SPDYE5: variants seen among roughly 807,000 people sequenced by gnomAD.
SPDYE5 encodes the protein speedy protein E5.
In SPDYE5, 15 loss-of-function variants were observed where a neutral mutation model predicts 48.5. The observed-to-expected ratio is 0.31, with a 90% confidence interval of 0.21 to 0.48. The LOEUF (loss-of-function observed/expected upper bound fraction) is 0.48. Ranked by LOEUF, SPDYE5 falls within the 20% of genes least tolerant of loss-of-function variation. The pLI, the probability that SPDYE5 is intolerant of heterozygous loss-of-function variation, is 0.99. For missense variants in SPDYE5, 331 were observed against 549.1 expected, an observed-to-expected ratio of 0.60 and a Z score of 3.97; for synonymous variants, 116 against 200.7, an observed-to-expected ratio of 0.58 and a Z score of 3.57.
rs1793242501 is a variant in SPDYE5, at chr7:75,504,087, C to T, written c.*1300C>T. 1.3e-5 allele frequency: 2 copies of T among 151,982 alleles called. No homozygotes were observed. Among genetic ancestry groups the T allele is most frequent in the South Asian group, 4.1e-4 (2 of 4,822 alleles). 9.4% of individuals were successfully genotyped at this position (151,982 alleles called of 1,614,324 possible). Reference sequence around the variant, plus strand: ...TTACATTTATAGCTATGTAGTAGTTCCCCTAAATTCTTGTAAAAATAAATT... The same window carrying T: ...TTACATTTATAGCTATGTAGTAGTTTCCCTAAATTCTTGTAAAAATAAATT... On this transcript the variant is annotated 3_prime_UTR_variant, in exon 9 of 9. Transcript: ENST00000625065.
chr7:75,496,404 CAAAAAAAAAA>C (rs1175143877), intron 3 of SPDYE5, among the ~76,000 whole-genome samples: 1 of 27,446 alleles, frequency 3.6e-5, no homozygotes, highest in Non-Finnish European at 6.6e-5. Flanking sequence ...ACAACAACAA[CAAAAAAAAAA>C]AAAAAAAAAA....
intron 6 of SPDYE5, among the ~76,000 whole-genome samples, chr7:75,500,778 A>G (rs1272356381): frequency 1.3e-5 from 2 of 151,622 alleles, no homozygotes; most frequent in East Asian, 2.0e-4. Context: ...GCCCAATCTC[A>G]ACTCACTGCA....
At position 75,501,462 on chromosome 7, in the gene SPDYE5, A is replaced by G. The variant is rs782072357; in HGVS notation, c.856A>G (p.Lys286Glu). The G allele has an allele frequency of 6.2e-7, 1 of 1,609,678 alleles. No individual in the cohort carries two copies. The highest frequency in any genetic ancestry group is 1.1e-5 in the South Asian group (1 of 90,756). ...CCGCTCTCGCATACCCTTGCTCCGT[A>G]AGCGTTGGTTCCAGTTAGGCCGTTC... ...KNRSRIPLLR[K>E]RWFQLGRSMN... The change falls in exon 7 of 9, where the codon AAG (lysine) becomes GAG (glutamate). Residue 286 changes from lysine (K) to glutamate (E), a missense_variant. Physicochemically the swap from Lys to Glu is moderately conservative, Grantham distance 56. Around this residue, in one of 8 missense-constraint regions of SPDYE5, gnomAD observed 70 missense variants for 87.6 expected, o/e 0.80. Transcript: ENST00000625065.
In SPDYE5 at chr7:75,495,489, C is replaced by T. The variant is rs1450170615; in HGVS notation, c.379+115C>T. ...ACGCCCCCCGTGGGTGAGCTCTCCA[C>T]GCAGGAGGACTCAGAAGTGATCACT... On this transcript the variant is annotated intron_variant, in intron 3 of 8. Coordinates refer to ENST00000625065, the MANE Select transcript of SPDYE5 (RefSeq NM_001306141.4). 9.9e-5 allele frequency: 153 copies of T among 1,541,420 alleles called. 1 individual carries two copies. The Middle Eastern group carries it at 3.4e-3, about 35-fold the overall frequency.
At position 75,503,085 on chromosome 7, in the gene SPDYE5, G is replaced by A; in HGVS notation, c.*298G>A. ...AGTGTTTCCAGTTCCACCCTTTCCTGCAGCACCACCACCCTTTCTATATTG... is the reference window on the plus strand; with the variant it reads ...AGTGTTTCCAGTTCCACCCTTTCCTACAGCACCACCACCCTTTCTATATTG... On this transcript the variant is annotated 3_prime_UTR_variant, in exon 9 of 9. Coordinates refer to ENST00000625065, the MANE Select transcript of SPDYE5 (RefSeq NM_001306141.4). 1.9e-6 allele frequency: 1 copy of A among 526,436 alleles called. No individual in the cohort carries two copies. Among genetic ancestry groups the A allele is most frequent in the Non-Finnish European group, 3.6e-6 (1 of 280,030 alleles). 32.6% of individuals were successfully genotyped at this position (526,436 alleles called of 1,614,324 possible).
rs782585253 is a variant in SPDYE5, at chr7:75,501,361, G to C, written c.756-1G>C. On this transcript the variant is annotated splice_acceptor_variant, in intron 6 of 8. Transcript: ENST00000625065. LOFTEE classifies it high-confidence loss of function. Reference sequence around the variant, plus strand: ...AGCAGCAACCTGATTTCTGTCCTCAGCTACCTGGCCAATGACATGGAGGAG... The same window carrying C: ...AGCAGCAACCTGATTTCTGTCCTCACCTACCTGGCCAATGACATGGAGGAG... The C allele has an allele frequency of 5.0e-6, 8 of 1,612,126 alleles. No homozygotes were observed. Among genetic ancestry groups the C allele is most frequent in the East Asian group, 4.5e-5 (2 of 44,884 alleles).
In SPDYE5 at chr7:75,494,059, G is replaced by A. The variant is rs1337052888; in HGVS notation, c.12G>A (p.Thr4=). 3.8e-5 allele frequency: 58 copies of A among 1,532,434 alleles called. No homozygotes were observed. Among genetic ancestry groups the A allele is most frequent in the Admixed American group, 3.8e-4 (19 of 50,604 alleles). The allele number at this position is 1,532,434 out of a possible 1,614,324, so 94.9% of individuals were successfully genotyped here. ...ATCAGAAGAAGGCCATGGACAGAAC[G>A]GAGACTAGGTTCCGTAAGAGGGGAC... is the stretch of plus-strand genomic sequence containing the variant. MDR[T]ETRFRKRGQI... Residue 4 remains threonine (T), a synonymous_variant, in exon 2 of 9, where the codon ACG becomes ACA. Transcript: ENST00000625065.
chr7:75,496,401 CAACAAAAAA>C (rs1304445032), intron 3 of SPDYE5, among the ~76,000 whole-genome samples: 1 of 44,548 alleles, frequency 2.2e-5, no homozygotes, highest in Non-Finnish European at 4.3e-5. Flanking sequence ...ACAACAACAA[CAACAAAAAA>C]AAAAAAAAAA....
chr7:75,493,733 G>A lies in SPDYE5; in HGVS notation c.-315G>A, dbSNP rs1792819889. 7.1e-7 allele frequency: 1 copy of A among 1,413,556 alleles called. No homozygotes were observed. Among genetic ancestry groups the A allele is most frequent in the African/African-American group, 1.4e-5 (1 of 68,970 alleles). The allele number at this position is 1,413,556 out of a possible 1,614,324, so 87.6% of individuals were successfully genotyped here. A position where few individuals can be genotyped will look rare whatever the true frequency, so the allele number is the denominator to read the frequency against. The stretch of plus-strand genomic sequence containing the variant: ...GCTGGGACAGGGAACAGAGGGATGT[G>A]GAGTCCCTGAAGATGCTTTTGGACA... On this transcript the variant is annotated 5_prime_UTR_variant, in exon 2 of 9. It introduces an in-frame stop codon into an upstream open reading frame of the 5' UTR. Coordinates refer to ENST00000625065, the MANE Select transcript of SPDYE5 (RefSeq NM_001306141.4).
chr7:75,492,849 G>A (rs1792786314), intron 1 of SPDYE5, among the ~76,000 whole-genome samples: 1 of 152,180 alleles, frequency 6.6e-6, no homozygotes, highest in South Asian at 2.1e-4. Flanking sequence ...AGACGGGAGT[G>A]CAGTGGCAAG....
chr7:75,495,741 G>A (rs1792901174), intron 3 of SPDYE5, among the ~76,000 whole-genome samples: 1 of 152,086 alleles, frequency 6.6e-6, no homozygotes, highest in African/African-American at 2.4e-5. Flanking sequence ...AAAACCCTGT[G>A]TCAAAAGAAA....
intron 1 of SPDYE5, among the ~76,000 whole-genome samples, chr7:75,493,083 T>C: frequency 6.6e-6 from 1 of 152,202 alleles, no homozygotes; most frequent in Non-Finnish European, 1.5e-5. Context: ...ATTACAAGCA[T>C]GAGCCACTGT....
chr7:75,499,766 CAAAAAAAAAAAAA>C (rs1207603153), intron 6 of SPDYE5, among the ~76,000 whole-genome samples: 20 of 17,882 alleles, frequency 1.1e-3, no homozygotes, highest in Non-Finnish European at 1.6e-3. Flanking sequence ...GACTTTTTCT[CAAAAAAAAAAAAA>C]AAAAAAAAAA....
rs782772939 is a variant in SPDYE5 at position 75,501,344 on chromosome 7, C to T, written c.756-18C>T. On this transcript the variant is annotated intron_variant, in intron 6 of 8. Coordinates refer to ENST00000625065, the MANE Select transcript of SPDYE5 (RefSeq NM_001306141.4). ...TCTTGGTGGTGCCCCTGAGCAGCAA[C>T]CTGATTTCTGTCCTCAGCTACCTGG... 1.9e-6 allele frequency: 3 copies of T among 1,612,074 alleles called. No homozygotes were observed. The South Asian group carries it at 3.3e-5, about 18-fold the overall frequency.
chr7:75,493,897 C>G lies in SPDYE5; in HGVS notation c.-151C>G, dbSNP rs1792826169. On this transcript the variant is annotated 5_prime_UTR_variant, in exon 2 of 9. Transcript: ENST00000625065. ...TGAGCGATGACATCAGAGATTCCGA[C>G]CATCCTGATTGGAGGGACCGGACTC... The G allele has an allele frequency of 6.8e-7, 1 of 1,464,776 alleles. No homozygotes were observed. Among genetic ancestry groups the G allele is most frequent in the African/African-American group, 1.4e-5 (1 of 70,780 alleles). 90.7% of individuals were successfully genotyped at this position (1,464,776 alleles called of 1,614,324 possible). A position where few individuals can be genotyped will look rare whatever the true frequency, so the allele number is the denominator to read the frequency against.
intron 3 of SPDYE5, 139 bp downstream of exon 3, chr7:75,495,513 C>T (rs1430226750): frequency 1.3e-6 from 2 of 1,525,870 alleles, no homozygotes; most frequent in East Asian, 4.9e-5. Flanking sequence ...GAAGTGATCA[C>T]TCATGAGGGA....
chr7:75,497,645 T>C (rs1196173722), intron 4 of SPDYE5, among the ~76,000 whole-genome samples: 3 of 146,582 alleles, frequency 2.0e-5, no homozygotes, highest in African/African-American at 7.6e-5. Context: ...AATTCCTTTA[T>C]GACTCTGCAG....
rs587772644 is a variant in SPDYE5, at chr7:75,503,943, T to C, written c.*1156T>C. ...ACACATACGTATAATTTTGCTTTCCTTTTTAAGAGAGGATTCTTTTCATCC... is the reference window on the plus strand; with the variant it reads ...ACACATACGTATAATTTTGCTTTCCCTTTTAAGAGAGGATTCTTTTCATCC... On this transcript the variant is annotated 3_prime_UTR_variant, in exon 9 of 9. Transcript: ENST00000625065. 1.3e-5 allele frequency: 2 copies of C among 152,090 alleles called. No individual in the cohort carries two copies. The highest frequency in any genetic ancestry group is 2.9e-5 in the Non-Finnish European group (2 of 67,972). The allele number at this position is 152,090 out of a possible 1,614,324, so 9.4% of individuals were successfully genotyped here.
At chr7:75,501,840 C>T (rs587644221) in intron 7 of SPDYE5, 38 bp from the exon 8 acceptor site, 28 of 1,611,588 alleles carry the variant, frequency 1.7e-5, no homozygotes, top group East Asian at 1.6e-4. Flanking sequence ...GGTATCCTGG[C>T]GAGTCCCCGT....
Sources: allele counts gnomAD v4.1 joint callset (sites outside exome capture counted in the v4.1 genomes callset), GRCh38; gene constraint gnomAD v4.1.1; regional missense constraint gnomAD v4.1.1; transcripts MANE v1.5; gene names NCBI Gene and HGNC (gene_info 2026-07-23, HGNC 2026-07-21).